The following MGAT4C variants were observed in gnomAD, a reference collection of about 807,000 sequenced individuals.
MGAT4C encodes alpha-1,3-mannosyl-glycoprotein 4-beta-N-acetylglucosaminyltransferase C.
MGAT4C carries 19 observed loss-of-function variants against 40.1 expected under a neutral mutation model. The ratio of observed to expected loss-of-function variants is 0.47; its 90% confidence interval spans 0.33 to 0.70. MGAT4C has a LOEUF of 0.70. Among genes scored for constraint, MGAT4C ranks in the 30% least tolerant of loss-of-function variants. The pLI, the probability that MGAT4C is intolerant of heterozygous loss-of-function variation, is 0.02. For missense variants in MGAT4C, 491 were observed against 563.2 expected, an observed-to-expected ratio of 0.87 and a Z score of 1.30; for synonymous variants, 181 against 187.1, an observed-to-expected ratio of 0.97 and a Z score of 0.27.
chr12:86,136,952 C>A (rs1214689392), intron 1 of MGAT4C, among the ~76,000 whole-genome samples: 4 of 152,110 alleles, frequency 2.6e-5, no homozygotes, highest in Non-Finnish European at 5.9e-5. Context: ...TCCCAAAGTG[C>A]TGGGATTACA....
intron 4 of MGAT4C, among the ~76,000 whole-genome samples, chr12:86,293,913 G>A (rs192600417): frequency 5.3e-5 from 8 of 152,100 alleles, no homozygotes; most frequent in African/African-American, 1.2e-4. Flanking sequence ...CCAGCAATGC[G>A]GAACTGTGAG....
chr12:86,377,082 T>G (rs1386635226), intron 3 of MGAT4C, among the ~76,000 whole-genome samples: 3 of 148,668 alleles, frequency 2.0e-5, no homozygotes, highest in Non-Finnish European at 4.5e-5. Context: ...TTTTTTGACA[T>G]GGAGTTTCGC....
intron 1 of MGAT4C, among the ~76,000 whole-genome samples, chr12:86,201,531 T>G (rs1319228219): frequency 6.7e-6 from 1 of 149,778 alleles, no homozygotes; most frequent in Non-Finnish European, 1.5e-5. Context: ...AATTTAAAAT[T>G]TATATTTTAT....
At chr12:86,634,300 A>T (rs1362345934) in intron 2 of MGAT4C, among the ~76,000 whole-genome samples, 1 of 152,076 alleles carries the variant, frequency 6.6e-6, no homozygotes, top group East Asian at 1.9e-4. Flanking sequence ...CAATTGTGTA[A>T]ACTTCATGAG....
intron 2 of MGAT4C, among the ~76,000 whole-genome samples, chr12:86,500,032 T>C (rs935446249): frequency 3.9e-4 from 59 of 151,662 alleles, no homozygotes; most frequent in African/African-American, 1.4e-3. Context: ...TATCAAAACA[T>C]GCAGAGAGCA....
intron 1 of MGAT4C, among the ~76,000 whole-genome samples, chr12:86,810,181 A>G (rs1462772189): frequency 6.6e-6 from 1 of 151,836 alleles, no homozygotes; most frequent in Non-Finnish European, 1.5e-5. Context: ...TTATATTGAA[A>G]TGTGTTTTTT....
intron 2 of MGAT4C, among the ~76,000 whole-genome samples, chr12:86,574,333 T>C (rs769869862): frequency 5.3e-5 from 8 of 151,910 alleles, no homozygotes; most frequent in Middle Eastern, 3.4e-3. Context: ...CATATTAAGA[T>C]GAAATATTTA....
chr12:86,404,861 A>C (rs1956434033), intron 3 of MGAT4C, among the ~76,000 whole-genome samples: 1 of 152,126 alleles, frequency 6.6e-6, no homozygotes, highest in African/African-American at 2.4e-5. Flanking sequence ...TCATATGGGA[A>C]CATCAAATTT....
chr12:86,241,682 T>C (rs928461778), intron 1 of MGAT4C, among the ~76,000 whole-genome samples: 2 of 152,152 alleles, frequency 1.3e-5, no homozygotes, highest in African/African-American at 2.4e-5. Context: ...TTAGCAGCAG[T>C]TGATTGCAGG....
chr12:86,660,270 AAGG>A (rs377185092), intron 2 of MGAT4C, among the ~76,000 whole-genome samples: 38 of 152,280 alleles, frequency 2.5e-4, no homozygotes, highest in African/African-American at 8.7e-4. Flanking sequence ...ATTGAAGAAG[AAGG>A]AGAAGTCAAG....
At chr12:86,140,927 C>T (rs1185009476) in intron 1 of MGAT4C, among the ~76,000 whole-genome samples, 1 of 152,206 alleles carries the variant, frequency 6.6e-6, no homozygotes, top group Non-Finnish European at 1.5e-5. Flanking sequence ...ATACCCCCAA[C>T]TTCCAAGTGA....
rs71445051 is a variant in MGAT4C at position 86,174,124 on chromosome 12, TACACACAC to T, written c.-57+82107_-57+82114del. Among the ~76,000 whole-genome samples the T allele has an allele frequency of 4.9e-4, 71 of 143,918 alleles. 1 individual carries two copies. Among genetic ancestry groups the T allele is most frequent in the African/African-American group, 1.5e-3 (59 of 39,758 alleles). The allele number at this position is 143,918 out of a possible 152,430, so 94.4% of individuals were successfully genotyped here. On this transcript the variant is annotated intron_variant, in intron 1 of 4. Coordinates refer to ENST00000611864, the MANE Select transcript of MGAT4C (RefSeq NM_001351288.2). ...TTACCAAAAAAGACACACACACACATACACACACACACACACACACACACACACACACA... is the reference window on the plus strand; with the variant it reads ...TTACCAAAAAAGACACACACACACATACACACACACACACACACACACACA...
At chr12:86,802,938 A>C (rs1433398708) in intron 1 of MGAT4C, among the ~76,000 whole-genome samples, 1 of 131,858 alleles carries the variant, frequency 7.6e-6, no homozygotes, top group African/African-American at 2.9e-5. Context: ...TGGAACCAAA[A>C]ACGAGCCTGC....
At chr12:86,813,896 T>C (rs1368546248) in intron 1 of MGAT4C, among the ~76,000 whole-genome samples, 1 of 152,022 alleles carries the variant, frequency 6.6e-6, no homozygotes, top group African/African-American at 2.4e-5. Flanking sequence ...GATATAAATA[T>C]TCCTTTTTCT....
intron 1 of MGAT4C, among the ~76,000 whole-genome samples, chr12:86,060,998 T>G (rs1893901859): frequency 6.6e-6 from 1 of 152,126 alleles, no homozygotes; most frequent in Admixed American, 6.6e-5. Context: ...GGCTTTCAAC[T>G]TGGTGACAGA....
chr12:86,057,952 T>C (rs1893566038), intron 1 of MGAT4C, among the ~76,000 whole-genome samples: 1 of 152,162 alleles, frequency 6.6e-6, no homozygotes, highest in Admixed American at 6.6e-5. Flanking sequence ...AATAATATAT[T>C]ATTATAGATT....
intron 2 of MGAT4C, among the ~76,000 whole-genome samples, chr12:86,578,137 T>A (rs925316665): frequency 6.6e-6 from 1 of 151,716 alleles, no homozygotes; most frequent in Non-Finnish European, 1.5e-5. Flanking sequence ...CCTATCTGTG[T>A]GGTAAGGGAG....
chr12:86,722,726 G>A (rs898737139), intron 2 of MGAT4C, among the ~76,000 whole-genome samples: 2 of 152,116 alleles, frequency 1.3e-5, no homozygotes, highest in Admixed American at 6.5e-5. Context: ...GCTTTACTCT[G>A]TTCCCTCAGA....
At chr12:86,123,849 T>C (rs1593003596) in intron 1 of MGAT4C, among the ~76,000 whole-genome samples, 1 of 152,220 alleles carries the variant, frequency 6.6e-6, no homozygotes, top group Non-Finnish European at 1.5e-5. Flanking sequence ...GGACGAAGGA[T>C]AGGCTTTAGT....
Sources: allele counts gnomAD v4.1 joint callset (sites outside exome capture counted in the v4.1 genomes callset), GRCh38; gene constraint gnomAD v4.1.1; transcripts MANE v1.5; gene names NCBI Gene and HGNC (gene_info 2026-07-23, HGNC 2026-07-21).